RCC2: variants seen among roughly 807,000 people sequenced by gnomAD.
The protein encoded by RCC2 is protein RCC2.
In RCC2, 19 loss-of-function variants were observed where a neutral mutation model predicts 64.1. That is an observed-to-expected ratio of 0.30 (90% CI 0.21 to 0.44). The LOEUF is 0.44. Among genes scored for constraint, RCC2 ranks in the 20% least tolerant of loss-of-function variants. The pLI is 1.00. For synonymous variants in RCC2, 325 were observed against 279.6 expected (o/e 1.16, Z -1.62); for missense variants, 508 against 710.4 (o/e 0.72, Z 3.24).
At chr1:17,424,967 C>G (rs568098874) in intron 4 of RCC2, among the ~76,000 whole-genome samples, 85 of 152,244 alleles carry the variant, frequency 5.6e-4, no homozygotes, top group Middle Eastern at 3.4e-3. Flanking sequence ...GAAAGCCGAA[C>G]AACTCCAAAA....
chr1:17,438,168 C>G (rs1171433935), intron 2 of RCC2, 62 bp downstream of exon 2: 1 of 1,105,590 alleles, frequency 9.0e-7, no homozygotes, highest in Admixed American at 4.4e-5. Flanking sequence ...CGCGCCGTGC[C>G]GCGTCGCTGA....
chr1:17,415,947 T>C (rs1352477669), intron 8 of RCC2, among the ~76,000 whole-genome samples: 5 of 151,452 alleles, frequency 3.3e-5, no homozygotes. Context: ...CGCATGCCTG[T>C]AATCCCAGCT....
chr1:17,423,639 G>C (rs1046900648), intron 4 of RCC2, among the ~76,000 whole-genome samples: 1 of 152,254 alleles, frequency 6.6e-6, no homozygotes, highest in African/African-American at 2.4e-5. Context: ...ACCGCATCTA[G>C]GTTTCAACAC....
chr1:17,410,915 C>G (rs1048763673), intron 11 of RCC2, among the ~76,000 whole-genome samples: 1 of 152,170 alleles, frequency 6.6e-6, no homozygotes. Flanking sequence ...CCTTCCTCCT[C>G]TAAGAACTAT....
chr1:17,422,947 G>C, intron 4 of RCC2, 111 bp from the exon 5 acceptor site: 1 of 1,344,386 alleles, frequency 7.4e-7, no homozygotes, highest in Admixed American at 2.4e-5. Flanking sequence ...GTCTCTGGAA[G>C]GTACCCTCCA....
chr1:17,430,303 G>A lies in RCC2; in HGVS notation c.286-1104C>T, dbSNP rs1240228632. On this transcript the variant is annotated intron_variant, in intron 2 of 12. Coordinates refer to ENST00000375436, the MANE Select transcript of RCC2 (RefSeq NM_018715.4). ...AGGCCGAGGCGGGCAGATTGCTTGA[G>A]CTTGGAGACCAGGCTGGGCAACATG... 2.7e-5 allele frequency among the ~76,000 whole-genome samples: 4 copies of A among 150,614 alleles called. No individual in the cohort carries two copies. In the South Asian group the frequency reaches 6.3e-4, roughly 24 times the overall value.
chr1:17,422,043 C>CA (rs971890908), intron 6 of RCC2, among the ~76,000 whole-genome samples, 160 bp downstream of exon 6: 10 of 152,008 alleles, frequency 6.6e-5, no homozygotes, highest in South Asian at 6.2e-4. Flanking sequence ...AAACAAAAAA[C>CA]AAAAAAACAA....
intron 1 of RCC2, among the ~76,000 whole-genome samples, chr1:17,438,762 A>G (rs997233068): frequency 4.6e-5 from 7 of 152,110 alleles, no homozygotes; most frequent in Non-Finnish European, 8.8e-5. Context: ...AATCCCCTGG[A>G]GGGAGAATTG....
At position 17,410,890 on chromosome 1, in the gene RCC2, G is replaced by C. The variant is rs138359114; in HGVS notation, c.1387-839C>G. On this transcript the variant is annotated intron_variant, in intron 11 of 12. Transcript: ENST00000375436. Reference sequence around the variant, plus strand: ...AGAAGGTCAAAGTCTATTTCTGATAGGCCCCAGAAAACATCCTTCCTCCTC... The same window carrying C: ...AGAAGGTCAAAGTCTATTTCTGATACGCCCCAGAAAACATCCTTCCTCCTC... Among the ~76,000 whole-genome samples the C allele has an allele frequency of 5.9e-3, 905 of 152,236 alleles. 11 individuals carry two copies. Among genetic ancestry groups the C allele is most frequent in the African/African-American group, 0.021 (856 of 41,554 alleles).
chr1:17,431,058 C>T (rs533496839), intron 2 of RCC2, among the ~76,000 whole-genome samples: 6 of 151,466 alleles, frequency 4.0e-5, no homozygotes, highest in Admixed American at 1.3e-4. Flanking sequence ...GTTGGCCAGG[C>T]GCGGTGGCTC....
At chr1:17,427,435 C>T (rs1293797304) in intron 3 of RCC2, among the ~76,000 whole-genome samples, 19 of 152,028 alleles carry the variant, frequency 1.2e-4, no homozygotes, top group Admixed American at 1.2e-3. Flanking sequence ...AAAGAGCAAA[C>T]CAAAAATAAA....
At chr1:17,435,271 A>G (rs147642903) in intron 2 of RCC2, among the ~76,000 whole-genome samples, 3 of 152,352 alleles carry the variant, frequency 2.0e-5, no homozygotes, top group Admixed American at 2.0e-4. Flanking sequence ...TCTGCCCCTC[A>G]ACAATGTAAG....
intron 8 of RCC2, among the ~76,000 whole-genome samples, chr1:17,414,858 G>T (rs541955065): frequency 6.6e-6 from 1 of 152,104 alleles, no homozygotes; most frequent in East Asian, 1.9e-4. Context: ...GGTCTCAAAT[G>T]ATCTGCCCAC....
At chr1:17,421,888 G>A (rs1461006176) in intron 6 of RCC2, among the ~76,000 whole-genome samples, 1 of 152,070 alleles carries the variant, frequency 6.6e-6, no homozygotes, top group Non-Finnish European at 1.5e-5. Flanking sequence ...AGCCAGGTGT[G>A]GTGGCACATG....
intron 7 of RCC2, among the ~76,000 whole-genome samples, chr1:17,420,224 G>A (rs931528606): frequency 1.3e-5 from 2 of 152,186 alleles, no homozygotes; most frequent in Non-Finnish European, 2.9e-5. Context: ...CAATGAGATC[G>A]AAGAAACAAG....
rs189691665 is a variant in RCC2, at chr1:17,432,324, C to T, written c.286-3125G>A. On this transcript the variant is annotated intron_variant, in intron 2 of 12. Transcript: ENST00000375436. ...GCTACAGGTCTATATTCAATGGCTTCTGTTGAAGTCCCTGTGGAAGGAGAG... is the reference window on the plus strand; with the variant it reads ...GCTACAGGTCTATATTCAATGGCTTTTGTTGAAGTCCCTGTGGAAGGAGAG... Among the ~76,000 whole-genome samples the T allele has an allele frequency of 1.8e-4, 28 of 152,306 alleles. No individual in the cohort carries two copies. In the East Asian group the frequency reaches 4.4e-3, roughly 24 times the overall value.
At chr1:17,411,252 C>G (rs1247906954) in intron 11 of RCC2, among the ~76,000 whole-genome samples, 1 of 152,060 alleles carries the variant, frequency 6.6e-6, no homozygotes, top group Non-Finnish European at 1.5e-5. Flanking sequence ...ATGCACTCCA[C>G]AGCCAAGCTA....
rs775990775 is a variant in RCC2, at chr1:17,416,499, G to A, written c.1007C>T (p.Ala336Val). 10 of 1,612,640 alleles carry A rather than the reference G, an allele frequency of 6.2e-6. No individual in the cohort carries two copies. Among genetic ancestry groups the A allele is most frequent in the Non-Finnish European group, 8.5e-6 (10 of 1,179,460 alleles). ...CCTCACCGTGTGGTTAGCGCCACAG[G>A]CCACGTCTCGTACAACCACGTTTGG... Reference protein sequence around the residue: ...PVPNVVVRDVACGANHTLVLD... With the variant: ...PVPNVVVRDVVCGANHTLVLD... Residue 336 changes from alanine (A) to valine (V), a missense_variant, in exon 8 of 13, where the codon GCC becomes GTC. Around this residue, in one of 4 missense-constraint regions of RCC2, gnomAD observed 179 missense variants for 322.0 expected, o/e 0.56. Transcript: ENST00000375436.
intron 11 of RCC2, among the ~76,000 whole-genome samples, chr1:17,411,362 A>C (rs2075422546): frequency 6.6e-6 from 1 of 152,156 alleles, no homozygotes; most frequent in Admixed American, 6.6e-5. Flanking sequence ...GGATCACCTA[A>C]GGTCAGGAGT....
Sources: allele counts gnomAD v4.1 joint callset (sites outside exome capture counted in the v4.1 genomes callset), GRCh38; gene constraint gnomAD v4.1.1; regional missense constraint gnomAD v4.1.1; transcripts MANE v1.5; gene names NCBI Gene and HGNC (gene_info 2026-07-23, HGNC 2026-07-21).